Variants in NHSL3 observed in about 807,000 individuals in gnomAD.
NHSL3 encodes the protein NHS like 3.
the NHSL3 span, chr1:32,768,080 A>C: frequency 6.2e-7 from 1 of 1,614,070 alleles, no homozygotes; most frequent in Non-Finnish European, 8.5e-7. Flanking sequence ...AAACTGAACA[A>C]GGGTGGCTGG....
chr1:32,762,571 C>G, the NHSL3 span, among the ~76,000 whole-genome samples: 1 of 151,658 alleles, frequency 6.6e-6, no homozygotes, highest in African/African-American at 2.4e-5. Context: ...CAAGCCCAGC[C>G]TCCCAGGAAA....
the NHSL3 span, chr1:32,770,013 G>A: frequency 6.3e-7 from 1 of 1,594,696 alleles, no homozygotes. This position sits in a 1 kb window ranked among gnomAD's most constrained non-coding sequence, Gnocchi z 8.3. Flanking sequence ...TGCAGGCGCT[G>A]GAGGCGGAGG....
the NHSL3 span, chr1:32,765,889 T>C: frequency 6.9e-7 from 1 of 1,448,276 alleles, no homozygotes; most frequent in Non-Finnish European, 9.4e-7. Context: ...CCCAGACCCT[T>C]ATGTAGAATG....
At chr1:32,747,636 C>T in the NHSL3 span, among the ~76,000 whole-genome samples, 1,212 of 152,204 alleles carry the variant, frequency 8.0e-3, 6 homozygotes, top group Middle Eastern at 0.027. Flanking sequence ...CCAGATAAGA[C>T]ACTGAGACCC....
At chr1:32,742,363 G>A in the NHSL3 span, among the ~76,000 whole-genome samples, 1 of 152,220 alleles carries the variant, frequency 6.6e-6, no homozygotes, top group Admixed American at 6.5e-5. Flanking sequence ...GCTGCCTTCC[G>A]CAGTTTCCAG....
At chr1:32,757,275 G>T in the NHSL3 span, among the ~76,000 whole-genome samples, 2 of 152,166 alleles carry the variant, frequency 1.3e-5, no homozygotes, top group Non-Finnish European at 2.9e-5. Flanking sequence ...AGCCAGTGAA[G>T]GTGTTTGAGC....
the NHSL3 span, among the ~76,000 whole-genome samples, chr1:32,766,162 G>A: frequency 1.3e-5 from 2 of 152,038 alleles, no homozygotes; most frequent in African/African-American, 2.4e-5. Flanking sequence ...CTAGTGTGCC[G>A]GGGAGGATGG....
At chr1:32,772,928 A>G in the NHSL3 span, 1 of 1,607,986 alleles carries the variant, frequency 6.2e-7, no homozygotes, top group Non-Finnish European at 8.5e-7. Context: ...CATCCCAGAA[A>G]CACAATCTCA....
the NHSL3 span, among the ~76,000 whole-genome samples, chr1:32,763,473 C>T: frequency 6.6e-6 from 1 of 152,198 alleles, no homozygotes; most frequent in Non-Finnish European, 1.5e-5. Flanking sequence ...TTTCCACTTG[C>T]TGTAGCCTGT....
At chr1:32,773,055 GTCC>G in the NHSL3 span, 4 of 662,698 alleles carry the variant, frequency 6.0e-6, no homozygotes, top group African/African-American at 7.2e-5. Flanking sequence ...TGTTGCTCCT[GTCC>G]TCAGAGTCAT....
At chr1:32,760,529 A>G in the NHSL3 span, among the ~76,000 whole-genome samples, 53 of 150,796 alleles carry the variant, frequency 3.5e-4, no homozygotes, top group African/African-American at 1.3e-3. Context: ...GCGGTCGCTC[A>G]TGGGTGAGGA....
the NHSL3 span, chr1:32,772,046 C>T: frequency 6.2e-7 from 1 of 1,608,656 alleles, no homozygotes; most frequent in Non-Finnish European, 8.5e-7. Flanking sequence ...AACGGACCGC[C>T]TGAGGCAGAG....
chr1:32,756,576 G>A, the NHSL3 span, among the ~76,000 whole-genome samples: 2 of 142,088 alleles, frequency 1.4e-5, no homozygotes, highest in South Asian at 2.2e-4. Context: ...AGGGGATTAC[G>A]TGAGCCTGGG....
the NHSL3 span, among the ~76,000 whole-genome samples, chr1:32,760,575 GGT>G: frequency 8.8e-5 from 13 of 148,526 alleles, no homozygotes; most frequent in African/African-American, 2.9e-4. Context: ...GTGCTTTATG[GGT>G]GTGTGTGTGT....
the NHSL3 span, chr1:32,772,256 C>T: frequency 1.9e-6 from 3 of 1,602,506 alleles, no homozygotes; most frequent in Admixed American, 3.4e-5. Context: ...CCACCTGTGG[C>T]CCGCAAGCCG....
chr1:32,769,648 T>C, the NHSL3 span: 6 of 1,577,032 alleles, frequency 3.8e-6, no homozygotes, highest in Non-Finnish European at 5.2e-6. Flanking sequence ...GCTCTAACAG[T>C]TTTTCTCCCA....
At chr1:32,743,327 G>A in the NHSL3 span, among the ~76,000 whole-genome samples, 118 of 152,332 alleles carry the variant, frequency 7.7e-4, 1 homozygote, top group African/African-American at 2.6e-3. Flanking sequence ...GTCAGGAAGA[G>A]GGTGGAAAGC....
At chr1:32,770,870 C>G in the NHSL3 span, 1 of 1,608,698 alleles carries the variant, frequency 6.2e-7, no homozygotes, top group Non-Finnish European at 8.5e-7. This position sits in a 1 kb window ranked among gnomAD's most constrained non-coding sequence, Gnocchi z 8.3. Flanking sequence ...GGCTTGTCTC[C>G]GGGTGGTTCC....
chr1:32,757,733 T>G, the NHSL3 span, among the ~76,000 whole-genome samples: 8 of 152,112 alleles, frequency 5.3e-5, no homozygotes, highest in Admixed American at 2.6e-4. Flanking sequence ...TTCGGAGAAG[T>G]GAAGTCACTT....
Sources: gnomAD v4.1 joint callset for allele counts (sites outside exome capture counted in the v4.1 genomes callset) on GRCh38, gnomAD v4.1.1 for gene constraint, Gnocchi (gnomAD v3.1) non-coding constraint, MANE v1.5 for transcripts, NCBI Gene and HGNC (gene_info 2026-07-23, HGNC 2026-07-21) for gene names.